The following TBCE variants were observed in gnomAD, a reference collection of about 807,000 sequenced individuals.
TBCE encodes the protein tubulin-specific chaperone E.
In TBCE, 53 loss-of-function variants were observed where a neutral mutation model predicts 77.0. That is an observed-to-expected ratio of 0.69 (90% CI 0.55 to 0.87). The LOEUF (loss-of-function observed/expected upper bound fraction) is 0.87. Among genes scored for constraint, TBCE ranks in the 40% least tolerant of loss-of-function variants. TBCE has a pLI of 0.00. For missense variants in TBCE, 624 were observed against 622.4 expected (o/e 1.00, Z -0.03); for synonymous variants, 235 against 241.3 (o/e 0.97, Z 0.24).
At chr1:235,421,245 A>C (rs77239834) in intron 5 of TBCE, among the ~76,000 whole-genome samples, 3,576 of 152,204 alleles carry the variant, frequency 0.023, 150 homozygotes, top group African/African-American at 0.081. Flanking sequence ...TGTCTCTATA[A>C]AAAATTAAAC....
At chr1:235,433,749 A>G (rs1019422080) in intron 7 of TBCE, 2 of 158,998 alleles carry the variant, frequency 1.3e-5, no homozygotes, top group South Asian at 3.6e-4. Flanking sequence ...TAAAAAAATA[A>G]TGAAAGAAGA....
chr1:235,435,666 A>C (rs2102922699), intron 8 of TBCE, 79 bp from the exon 9 acceptor site: 2 of 1,390,464 alleles, frequency 1.4e-6, no homozygotes, highest in Non-Finnish European at 2.0e-6. Flanking sequence ...ATCGCACCAA[A>C]TGCAGGGATT....
intron 1 of TBCE, among the ~76,000 whole-genome samples, chr1:235,369,832 CAA>C (rs113566222): frequency 9.6e-4 from 108 of 112,042 alleles, no homozygotes; most frequent in African/African-American, 2.5e-3. Context: ...AACTCTGTCT[CAA>C]AAAAAAAAAA....
At chr1:235,400,245 TTGTC>T (rs1453155000) in intron 2 of TBCE, among the ~76,000 whole-genome samples, 8 of 152,060 alleles carry the variant, frequency 5.3e-5, no homozygotes, top group Non-Finnish European at 1.2e-4. Context: ...TTACTTTACA[TTGTC>T]TGTATTACTT....
intron 6 of TBCE, among the ~76,000 whole-genome samples, chr1:235,428,326 AAAAC>A (rs913687287): frequency 8.6e-4 from 131 of 152,224 alleles, no homozygotes; most frequent in African/African-American, 3.0e-3. Flanking sequence ...TCCATCTCAG[AAAAC>A]AAACAAACAA....
chr1:235,432,568 C>T (rs1399502304), intron 7 of TBCE, among the ~76,000 whole-genome samples: 1 of 152,094 alleles, frequency 6.6e-6, no homozygotes, highest in Non-Finnish European at 1.5e-5. Flanking sequence ...TCACTTGAGC[C>T]CAGGAGTTTG....
rs1336903365 is a variant in TBCE, at chr1:235,449,122, T to C, written c.*360T>C. 2 of 283,628 alleles carry C rather than the reference T, an allele frequency of 7.1e-6. No individual in the cohort carries two copies. The highest frequency in any genetic ancestry group is 3.6e-5 in the South Asian group (1 of 27,776). 17.6% of individuals were successfully genotyped at this position (283,628 alleles called of 1,614,324 possible). On this transcript the variant is annotated 3_prime_UTR_variant, in exon 17 of 17. Coordinates refer to ENST00000642610, the MANE Select transcript of TBCE (RefSeq NM_003193.5). ...AGACTAGTTTTAATGGAATTCTCTA[T>C]TGAAACTACTATTTTAAAGGGTTAC...
chr1:235,370,517 C>T (rs1248499032), intron 1 of TBCE, among the ~76,000 whole-genome samples: 2 of 149,986 alleles, frequency 1.3e-5, no homozygotes, highest in African/African-American at 2.5e-5. Flanking sequence ...TCCCAAAGTG[C>T]TGGGATTACA....
intron 15 of TBCE, among the ~76,000 whole-genome samples, chr1:235,447,940 T>G (rs1354478921): frequency 6.6e-6 from 1 of 151,842 alleles, no homozygotes; most frequent in Non-Finnish European, 1.5e-5. Flanking sequence ...AGCCAGGCGC[T>G]GGGCTCATGC....
At chr1:235,405,387 G>A (rs1014312922) in intron 3 of TBCE, among the ~76,000 whole-genome samples, 2 of 149,308 alleles carry the variant, frequency 1.3e-5, no homozygotes, top group Non-Finnish European at 3.0e-5. Context: ...TGTAATCCCA[G>A]CACTTTGGGA....
At chr1:235,373,241 T>C (rs931642913) in intron 1 of TBCE, among the ~76,000 whole-genome samples, 10 of 152,114 alleles carry the variant, frequency 6.6e-5, no homozygotes, top group Non-Finnish European at 1.5e-4. Flanking sequence ...TACATGTTAA[T>C]GAAAATTTTG....
At position 235,441,839 on chromosome 1, in the gene TBCE, A is replaced by T. The variant is rs1457889342; in HGVS notation, c.1296A>T (p.Glu432Asp). ...AATATGGTGCACCTGAAGATTGGGA[A>T]CTCAAAACACAGCAACCACTTATGC... ...CLKYGAPEDW[E>D]LKTQQPLMLK... Residue 432 changes from glutamate (E) to aspartate (D), a missense_variant, in exon 14 of 17, where the codon GAA becomes GAT. Glu to Asp is a conservative substitution (Grantham distance 45). Coordinates refer to ENST00000642610, the MANE Select transcript of TBCE (RefSeq NM_003193.5). The T allele has an allele frequency of 6.2e-7, 1 of 1,613,858 alleles. No homozygotes were observed. The highest frequency in any genetic ancestry group is 1.7e-5 in the Admixed American group (1 of 59,962).
chr1:235,415,106 A>G (rs556303611), intron 4 of TBCE: 1 of 189,328 alleles, frequency 5.3e-6, no homozygotes, highest in Admixed American at 5.3e-5. Context: ...AGATCTGCTC[A>G]ATCACAATTT....
At chr1:235,414,976 C>G (rs1472567501) in intron 4 of TBCE, 1 of 329,890 alleles carries the variant, frequency 3.0e-6, no homozygotes, top group Non-Finnish European at 5.9e-6. Flanking sequence ...CTGAATTGTT[C>G]CCTATGCCGT....
chr1:235,422,740 A>T (rs763481513), intron 5 of TBCE, among the ~76,000 whole-genome samples: 14 of 152,196 alleles, frequency 9.2e-5, no homozygotes, highest in African/African-American at 3.1e-4. Context: ...GAGGCAGGAG[A>T]ATCGCTTGAA....
Position 235,449,308 on chromosome 1 carries a change from G to A in TBCE, c.*546G>A, listed in dbSNP as rs554414146. 1.3e-5 allele frequency: 2 copies of A among 158,564 alleles called. No homozygotes were observed. Among genetic ancestry groups the A allele is most frequent in the Admixed American group, 1.2e-4 (2 of 16,618 alleles). 9.8% of individuals were successfully genotyped at this position (158,564 alleles called of 1,614,324 possible). A position where few individuals can be genotyped will look rare whatever the true frequency, so the allele number is the denominator to read the frequency against. On this transcript the variant is annotated 3_prime_UTR_variant, in exon 17 of 17. Coordinates refer to ENST00000642610, the MANE Select transcript of TBCE (RefSeq NM_003193.5). ...TTTTCCCTACAATTATACCTAAGCT[G>A]AGTATATCTTCTTCTGTGATAACCA...
intron 2 of TBCE, among the ~76,000 whole-genome samples, chr1:235,396,349 T>C (rs10925599): frequency 0.73 from 111,351 of 152,100 alleles, 41,986 homozygotes; most frequent in African/African-American, 0.92. Context: ...TGAGCCACCG[T>C]GCCCGGCCCT....
At chr1:235,414,358 A>G in intron 3 of TBCE, 75 bp from the exon 4 acceptor site, 1 of 1,468,216 alleles carries the variant, frequency 6.8e-7, no homozygotes, top group Non-Finnish European at 9.4e-7. Flanking sequence ...ATTTTTGAAG[A>G]CCTTCAGAAA....
intron 15 of TBCE, 43 bp from the exon 16 acceptor site, chr1:235,448,306 T>TGTCA (rs1181565395): frequency 3.2e-6 from 5 of 1,540,746 alleles, no homozygotes; most frequent in Non-Finnish European, 4.5e-6. Context: ...TACAGGTAAC[T>TGTCA]GTCATTTGAG....
Sources: gnomAD v4.1 joint callset for allele counts (sites outside exome capture counted in the v4.1 genomes callset) on GRCh38, gnomAD v4.1.1 for gene constraint, MANE v1.5 for transcripts, NCBI Gene and HGNC (gene_info 2026-07-23, HGNC 2026-07-21) for gene names.